Variants in CACNA2D3 observed in about 807,000 individuals in gnomAD.
CACNA2D3 encodes the protein voltage-dependent calcium channel subunit alpha-2/delta-3.
Under a neutral mutation model 160.6 loss-of-function variants are expected in CACNA2D3, and 60 were observed. The ratio of observed to expected loss-of-function variants is 0.37; its 90% CI spans 0.30 to 0.46. The LOEUF is 0.46. Among genes scored for constraint, CACNA2D3 ranks in the 20% least tolerant of loss-of-function variants. The pLI is 1.00. For synonymous variants in CACNA2D3, 558 were observed against 492.9 expected, an observed-to-expected ratio of 1.13 and a Z score of -1.75; for missense variants, 1,205 against 1,365.0, an observed-to-expected ratio of 0.88 and a Z score of 1.85.
intron 17 of CACNA2D3, among the ~76,000 whole-genome samples, chr3:54,853,430 A>G (rs925609910): frequency 6.6e-6 from 1 of 152,186 alleles, no homozygotes; most frequent in Admixed American, 6.5e-5. Flanking sequence ...ACGTTCATTC[A>G]CCAAACATTT....
chr3:54,142,863 A>G (rs1024460012), intron 2 of CACNA2D3, among the ~76,000 whole-genome samples: 1 of 152,104 alleles, frequency 6.6e-6, no homozygotes, highest in Non-Finnish European at 1.5e-5. Flanking sequence ...TAACCACTAT[A>G]CTATACTTCC....
At chr3:54,782,068 A>T (rs1702548070) in intron 13 of CACNA2D3, among the ~76,000 whole-genome samples, 1 of 152,192 alleles carries the variant, frequency 6.6e-6, no homozygotes, top group South Asian at 2.1e-4. Context: ...TACCAGTAAG[A>T]GTTCACTTCT....
At chr3:54,645,774 A>G (rs763903989) in intron 11 of CACNA2D3, among the ~76,000 whole-genome samples, 8 of 152,140 alleles carry the variant, frequency 5.3e-5, no homozygotes, top group Non-Finnish European at 1.2e-4. Context: ...TTAAGGAAGT[A>G]TAGCTTTGTG....
intron 5 of CACNA2D3, among the ~76,000 whole-genome samples, chr3:54,560,124 T>C (rs1702302462): frequency 6.6e-6 from 1 of 152,246 alleles, no homozygotes; most frequent in East Asian, 1.9e-4. Flanking sequence ...CTGAGTCTAA[T>C]GGTATTTCTG....
intron 11 of CACNA2D3, among the ~76,000 whole-genome samples, chr3:54,710,343 A>G (rs1283339263): frequency 6.6e-6 from 1 of 152,270 alleles, no homozygotes; most frequent in African/African-American, 2.4e-5. Flanking sequence ...AAATGACTTA[A>G]CAAAAATGAA....
At chr3:54,414,822 A>T (rs17053980) in intron 4 of CACNA2D3, among the ~76,000 whole-genome samples, 1 of 146,642 alleles carries the variant, frequency 6.8e-6, no homozygotes, top group African/African-American at 2.5e-5. Flanking sequence ...TTTTTTTCCA[A>T]CTGGGCTTTC....
chr3:54,430,144 A>G (rs1699968181), intron 4 of CACNA2D3, among the ~76,000 whole-genome samples: 1 of 152,242 alleles, frequency 6.6e-6, no homozygotes, highest in Non-Finnish European at 1.5e-5. Flanking sequence ...TTCTATGTAA[A>G]TTGTGGGAAA....
chr3:54,795,009 A>C (rs1425602384), intron 13 of CACNA2D3, among the ~76,000 whole-genome samples: 1 of 152,130 alleles, frequency 6.6e-6, no homozygotes, highest in Non-Finnish European at 1.5e-5. Flanking sequence ...CTCCAAAACC[A>C]TCCTGGACTT....
At position 55,036,336 on chromosome 3, in the gene CACNA2D3, A is replaced by G. The variant is rs1163998613; in HGVS notation, c.2987+18019A>G. 2.6e-5 allele frequency among the ~76,000 whole-genome samples: 4 copies of G among 152,144 alleles called. No homozygotes were observed. In the East Asian group the frequency reaches 5.8e-4, roughly 22 times the overall value. On this transcript the variant is annotated intron_variant, in intron 35 of 37. Coordinates refer to ENST00000474759, the MANE Select transcript of CACNA2D3 (RefSeq NM_018398.3). ...ATGGTACGCACCTGTAATCCCAGCTACTCGGGAGGCTGAGGCAGGAGAATC... is the reference window on the plus strand; with the variant it reads ...ATGGTACGCACCTGTAATCCCAGCTGCTCGGGAGGCTGAGGCAGGAGAATC...
chr3:54,833,324 C>T (rs1484997003), intron 14 of CACNA2D3, among the ~76,000 whole-genome samples: 7 of 152,166 alleles, frequency 4.6e-5, no homozygotes, highest in Admixed American at 3.3e-4. Context: ...TTTTAAGATT[C>T]CCACTTGGAC....
intron 5 of CACNA2D3, among the ~76,000 whole-genome samples, chr3:54,525,609 C>T (rs1230256889): frequency 3.3e-5 from 5 of 152,070 alleles, no homozygotes; most frequent in Non-Finnish European, 7.4e-5. Flanking sequence ...TTTTGGTTGA[C>T]AGTTTTGTTC....
chr3:54,564,258 G>A (rs906485915), intron 6 of CACNA2D3, among the ~76,000 whole-genome samples: 4 of 152,200 alleles, frequency 2.6e-5, no homozygotes, highest in African/African-American at 7.2e-5. Flanking sequence ...CTATGGTCAC[G>A]AGGACATTTG....
chr3:55,029,036 G>A (rs1252072309), intron 35 of CACNA2D3, among the ~76,000 whole-genome samples: 10 of 152,150 alleles, frequency 6.6e-5, no homozygotes, highest in Admixed American at 6.5e-4. Flanking sequence ...ATTTTCCAAC[G>A]AACAACTCCA....
chr3:54,445,586 A>ACACACACACT (rs1384337284), intron 4 of CACNA2D3, among the ~76,000 whole-genome samples: 12 of 149,332 alleles, frequency 8.0e-5, no homozygotes, highest in African/African-American at 3.0e-4. Context: ...ACACACACAC[A>ACACACACACT]CACTCATGTG....
intron 14 of CACNA2D3, among the ~76,000 whole-genome samples, chr3:54,822,162 A>G (rs908455113): frequency 1.3e-5 from 2 of 152,172 alleles, no homozygotes; most frequent in African/African-American, 2.4e-5. Context: ...AGTAACATGT[A>G]AGGTACTTTT....
At chr3:54,350,267 G>A (rs1389811778) in intron 3 of CACNA2D3, among the ~76,000 whole-genome samples, 1 of 152,158 alleles carries the variant, frequency 6.6e-6, no homozygotes, top group African/African-American at 2.4e-5. Flanking sequence ...TAGTTACACA[G>A]TGTCATTTTA....
chr3:54,469,717 A>G (rs1575474209), intron 4 of CACNA2D3, among the ~76,000 whole-genome samples: 1 of 152,102 alleles, frequency 6.6e-6, no homozygotes, highest in East Asian at 1.9e-4. Context: ...TAGACTAACC[A>G]GTTTAGAGAA....
chr3:54,273,390 C>T (rs78421682), intron 2 of CACNA2D3, among the ~76,000 whole-genome samples: 2,291 of 152,266 alleles, frequency 0.015, 41 homozygotes, highest in Admixed American at 0.047. Flanking sequence ...GTCTCTCTCA[C>T]GCACACACCC....
rs115913316 is a variant in CACNA2D3 at position 54,351,277 on chromosome 3, C to T, written c.321+30719C>T. 4.2e-3 allele frequency among the ~76,000 whole-genome samples: 637 copies of T among 152,056 alleles called. 4 individuals are homozygous for T. The highest frequency in any genetic ancestry group is 0.014 in the African/African-American group (590 of 41,472). ...GATTACAGGCATGAGCTACCGCGCCCGGCCTTGAGTCTGATTTTTAAACAT... is the reference window on the plus strand; with the variant it reads ...GATTACAGGCATGAGCTACCGCGCCTGGCCTTGAGTCTGATTTTTAAACAT... On this transcript the variant is annotated intron_variant, in intron 3 of 37. Coordinates refer to ENST00000474759, the MANE Select transcript of CACNA2D3 (RefSeq NM_018398.3).
Sources: allele counts gnomAD v4.1 joint callset (sites outside exome capture counted in the v4.1 genomes callset), GRCh38; gene constraint gnomAD v4.1.1; transcripts MANE v1.5; gene names NCBI Gene and HGNC (gene_info 2026-07-23, HGNC 2026-07-21).